FLNA: variants seen among roughly 807,000 people sequenced by gnomAD.
The protein encoded by FLNA is filamin-A.
Under a neutral mutation model 157.6 loss-of-function variants are expected in FLNA, and 7 were observed. The ratio of observed to expected loss-of-function variants is 0.04; its 90% CI spans 0.03 to 0.08. The LOEUF (loss-of-function observed/expected upper bound fraction) is 0.08. FLNA is among the 10% of genes least tolerant of loss of function. The pLI is 1.00. For missense variants in FLNA, 1,750 were observed against 2,398.4 expected, an observed-to-expected ratio of 0.73 and a Z score of 5.65; for synonymous variants, 1,103 against 1,060.8, an observed-to-expected ratio of 1.04 and a Z score of -0.77.
chrX:154,361,659 CA>C lies in FLNA; in HGVS notation c.2944+10del. 2.5e-6 allele frequency: 3 copies of C among 1,203,816 alleles called. No homozygotes were observed. Among genetic ancestry groups the C allele is most frequent in the Non-Finnish European group, 3.4e-6 (3 of 888,360 alleles). ...ACAAAGGCCTTTGCGACAAGGGCCC[CA>C]ACTACTTACTCTCTCCCAGGCCAGA... On this transcript the variant is annotated intron_variant, in intron 20 of 47. Transcript: ENST00000369850.
chrX:154,360,821 T>C (rs1310369055), intron 21 of FLNA, among the ~76,000 whole-genome samples: 2 of 109,580 alleles, frequency 1.8e-5, no homozygotes, highest in Non-Finnish European at 3.8e-5. Flanking sequence ...CCAAGGTGGG[T>C]GGATCACCTG....
intron 47 of FLNA, 39 bp from the exon 48 acceptor site, chrX:154,349,075 C>A: frequency 8.8e-7 from 1 of 1,141,870 alleles, no homozygotes; most frequent in East Asian, 3.2e-5. Flanking sequence ...GTCCCAGCCC[C>A]CTTCCTCCCG....
chrX:154,349,323 T>G, intron 47 of FLNA, 39 bp downstream of exon 47: 2 of 1,172,045 alleles, frequency 1.7e-6, no homozygotes, highest in Non-Finnish European at 2.3e-6. Flanking sequence ...TCTGGCCTCA[T>G]TTTGGTGGGA....
At position 154,350,225 on chromosome X, in the gene FLNA, A is replaced by G. The variant is rs781967286; in HGVS notation, c.7157-18T>C. ...ATACTTATCTGAGGAGCAGGGAGTC[A>G]TGCTGTGGGCCTGGGGCCCCTCCTC... On this transcript the variant is annotated intron_variant, in intron 44 of 47. Transcript: ENST00000369850. 8.3e-7 allele frequency: 1 copy of G among 1,207,166 alleles called. No homozygotes were observed. The highest frequency in any genetic ancestry group is 1.1e-6 in the Non-Finnish European group (1 of 891,433).
intron 2 of FLNA, 115 bp from the exon 3 acceptor site, chrX:154,368,205 C>T: frequency 2.9e-6 from 3 of 1,038,392 alleles, no homozygotes; most frequent in Admixed American, 2.2e-5. Context: ...AGGAGGTAGA[C>T]ACCCCCTCTT....
In FLNA at chrX:154,349,644, C is replaced by A; in HGVS notation, c.7552+5G>T. The A allele has an allele frequency of 8.3e-7, 1 of 1,211,827 alleles. No homozygotes were observed. The highest frequency in any genetic ancestry group is 1.8e-5 in the South Asian group (1 of 57,065). On this transcript the variant is annotated splice_donor_5th_base_variant and intron_variant, in intron 46 of 47. Coordinates refer to ENST00000369850, the MANE Select transcript of FLNA (RefSeq NM_001110556.2). The stretch of plus-strand genomic sequence containing the variant: ...CAGATGCCAATAGCTTGGCCCCAGG[C>A]TCACCTGTGACTTTGGCCTTGAAGG...
intron 2 of FLNA, 89 bp from the exon 3 acceptor site, chrX:154,368,179 G>T: frequency 8.6e-7 from 1 of 1,161,265 alleles, no homozygotes. Flanking sequence ...GCAGCACGGG[G>T]TAGCAGGGGC....
Position 154,348,995 on chromosome X carries a change from G to T in FLNA, c.7798C>A (p.Pro2600Thr), listed in dbSNP as rs377322094. The change falls in exon 48 of 48, where the codon CCC (proline) becomes ACC (threonine). Residue 2600 changes from proline (P) to threonine (T), a missense_variant. Transcript: ENST00000369850. Reference protein sequence around the residue: ...LLVGVHGPRTPCEEILVKHVG... With the variant: ...LLVGVHGPRTTCEEILVKHVG... ...TGCTTCACCAGGATCTCCTCGCAGG[G>T]GGTCCTTGGGCCATGAACCCCCACC... 3 of 1,211,240 alleles carry T rather than the reference G, an allele frequency of 2.5e-6. No homozygotes were observed. The highest frequency in any genetic ancestry group is 3.4e-6 in the Non-Finnish European group (3 of 895,262).
At chrX:154,372,462 C>G (rs1313362453) in intron 1 of FLNA, among the ~76,000 whole-genome samples, 1 of 111,563 alleles carries the variant, frequency 9.0e-6, no homozygotes, top group Non-Finnish European at 1.9e-5. Flanking sequence ...GCAGAGGAGG[C>G]CTGAGGACAG....
rs374068639 is a variant in FLNA at position 154,359,847 on chromosome X, G to A, written c.3864C>T (p.Thr1288=). 13 of 1,209,314 alleles carry A rather than the reference G, an allele frequency of 1.1e-5. No homozygotes were observed. Among genetic ancestry groups the A allele is most frequent in the African/African-American group, 5.2e-5 (3 of 57,392 alleles). The change falls in exon 23 of 48, where the codon ACC becomes ACT. Residue 1288 remains threonine (T), a synonymous_variant. Coordinates refer to ENST00000369850, the MANE Select transcript of FLNA (RefSeq NM_001110556.2). ...CACGGGCCTTGACGTGCGGCCCTCC[G>A]GTCTGTGTCAGAGCCCGGGCGTCCA... The part of the protein sequence containing the change: ...FSVDARALTQ[T]GGPHVKARVA...
At chrX:154,356,516 TC>T (rs2067664200) in intron 30 of FLNA, among the ~76,000 whole-genome samples, 1 of 111,825 alleles carries the variant, frequency 8.9e-6, no homozygotes, top group African/African-American at 3.3e-5. Context: ...AGCCACCCTC[TC>T]ACCCTTTCCT....
chrX:154,352,429 A>G lies in FLNA; in HGVS notation c.6521T>C (p.Met2174Thr). The G allele has an allele frequency of 8.3e-7, 1 of 1,211,625 alleles. No individual in the cohort carries two copies. Among genetic ancestry groups the G allele is most frequent in the South Asian group, 1.8e-5 (1 of 57,038 alleles). The change falls in exon 41 of 48, where the codon ATG becomes ACG. Residue 2174 changes from methionine (M) to threonine (T), a missense_variant. Around this residue, in one of 5 missense-constraint regions of FLNA, gnomAD observed 970 missense variants for 1,302.6 expected, o/e 0.74. Transcript: ENST00000369850. ...CGATGGGCTGGTCACCTGGGCTGTC[A>G]TATCCTGGATGCTAATTTCTGCAGG... ...LKIPEISIQD[M>T]TAQVTSPSGK... is the part of the protein sequence containing the mutation.
In FLNA at chrX:154,357,331, G is replaced by A. The variant is rs375651348; in HGVS notation, c.4946-57C>T. The A allele has an allele frequency of 1.3e-5, 15 of 1,189,477 alleles. No homozygotes were observed. In the East Asian group the frequency reaches 2.1e-4, roughly 16 times the overall value. On this transcript the variant is annotated intron_variant, in intron 29 of 47. Coordinates refer to ENST00000369850, the MANE Select transcript of FLNA (RefSeq NM_001110556.2). ...GGTCAGGTGAGTCACTCAAGGGGGC[G>A]GCCCCCACTCCCACACGCCGCCCCA...
In FLNA at chrX:154,362,746, T is replaced by G. The variant is rs1060500719; in HGVS notation, c.2319A>C (p.Lys773Asn). ...VGAGSHPNKV[K>N]VYGPGVAKTG... is the part of the protein sequence containing the mutation. ...TCTTGGCTACTCCGGGGCCGTATAC[T>G]TTGACCTTGTTGGGGTGGCTGCCAG... The change falls in exon 16 of 48, where the codon AAA (lysine) becomes AAC (asparagine). Residue 773 changes from lysine (K) to asparagine (N), a missense_variant. Around this residue, in one of 5 missense-constraint regions of FLNA, gnomAD observed 648 missense variants for 805.8 expected, o/e 0.80. Transcript: ENST00000369850. 3 of 1,204,466 alleles carry G rather than the reference T, an allele frequency of 2.5e-6. No individual in the cohort carries two copies. The highest frequency in any genetic ancestry group is 3.4e-6 in the Non-Finnish European group (3 of 891,990).
rs1224127641 is a variant in FLNA at position 154,374,633 on chromosome X, G to A, written c.-244C>T. ...TCCGCTGCGCGCGACGCGCCTCCAC[G>A]CGAATGGGCCGCCGCCGCCCGCCTT... On this transcript the variant is annotated 5_prime_UTR_variant, in exon 1 of 48. Transcript: ENST00000369850. 1.8e-5 allele frequency: 2 copies of A among 111,970 alleles called. No homozygotes were observed. Among genetic ancestry groups the A allele is most frequent in the African/African-American group, 6.5e-5 (2 of 30,912 alleles). 9.2% of individuals were successfully genotyped at this position (111,970 alleles called of 1,213,427 possible).
intron 12 of FLNA, 26 bp downstream of exon 12, chrX:154,364,795 T>C: frequency 1.7e-6 from 2 of 1,209,586 alleles, no homozygotes; most frequent in Non-Finnish European, 2.2e-6. Flanking sequence ...TGTCCCCAGG[T>C]GCCCATGCTG....
At position 154,360,446 on chromosome X, in the gene FLNA, T is replaced by C; in HGVS notation, c.3349A>G (p.Asn1117Asp). The C allele has an allele frequency of 8.3e-7, 1 of 1,211,480 alleles. No individual in the cohort carries two copies. The highest frequency in any genetic ancestry group is 1.1e-6 in the Non-Finnish European group (1 of 895,533). The change falls in exon 22 of 48, where the codon AAT (asparagine) becomes GAT (aspartate). Residue 1117 changes from asparagine to aspartate, a missense_variant. Physicochemically the swap from Asn to Asp is conservative, Grantham distance 23. Around this residue, in one of 5 missense-constraint regions of FLNA, gnomAD observed 648 missense variants for 805.8 expected, o/e 0.80. Coordinates refer to ENST00000369850, the MANE Select transcript of FLNA (RefSeq NM_001110556.2). ...PCEAQLECLD[N>D]GDGTCSVSYV... ...GACACGGAACATGTGCCATCCCCATTGTCCAAGCACTCGAGCTGCGCCTCA... is the reference window on the plus strand; with the variant it reads ...GACACGGAACATGTGCCATCCCCATCGTCCAAGCACTCGAGCTGCGCCTCA...
At position 154,364,389 on chromosome X, in the gene FLNA, C is replaced by T. The variant is rs782360896; in HGVS notation, c.2023-17G>A. On this transcript the variant is annotated splice_polypyrimidine_tract_variant and intron_variant, in intron 13 of 47. Transcript: ENST00000369850. The stretch of plus-strand genomic sequence containing the variant: ...TGCCTTCACCTAGCGGGAGACCACC[C>T]AGCTGTCAGGGGGCCAGGTCCAGGC... 2.5e-6 allele frequency: 3 copies of T among 1,203,254 alleles called. No individual in the cohort carries two copies. The South Asian group carries it at 5.3e-5, about 21-fold the overall frequency.
At chrX:154,366,963 A>T in intron 5 of FLNA, 113 bp from the exon 6 acceptor site, 2 of 606,207 alleles carry the variant, frequency 3.3e-6, no homozygotes, top group Non-Finnish European at 5.6e-6. Flanking sequence ...CAAACTGGGC[A>T]AGTTCATTCA....
Sources: allele counts gnomAD v4.1 joint callset (sites outside exome capture counted in the v4.1 genomes callset), GRCh38; gene constraint gnomAD v4.1.1; regional missense constraint gnomAD v4.1.1; transcripts MANE v1.5; gene names NCBI Gene and HGNC (gene_info 2026-07-23, HGNC 2026-07-21).